Variants in ADAMTS9 observed in about 807,000 individuals in gnomAD.
ADAMTS9 encodes the protein A disintegrin and metalloproteinase with thrombospondin motifs 9.
In ADAMTS9, 107 loss-of-function variants were observed where a neutral mutation model predicts 257.1. The ratio of observed to expected loss-of-function variants is 0.42; its 90% CI spans 0.36 to 0.49. The LOEUF is 0.49. Ranked by LOEUF, ADAMTS9 falls within the 20% of genes least tolerant of loss-of-function variation. ADAMTS9 has a pLI of 0.03. For missense variants in ADAMTS9, 2,353 were observed against 2,469.1 expected, an observed-to-expected ratio of 0.95 and a Z score of 1.00; for synonymous variants, 982 against 880.9, an observed-to-expected ratio of 1.11 and a Z score of -2.03.
In ADAMTS9 at chr3:64,522,345, A is replaced by G. The variant is rs17070910; in HGVS notation, c.5719-85T>C. 3.5e-3 allele frequency: 4,098 copies of G among 1,183,148 alleles called. 90 individuals are homozygous for G. In the African/African-American group the frequency reaches 0.052, roughly 15 times the overall value. The allele number at this position is 1,183,148 out of a possible 1,614,324, so 73.3% of individuals were successfully genotyped here. A position where few individuals can be genotyped will look rare whatever the true frequency, so the allele number is the denominator to read the frequency against. ...TGGCTTTTTGGGAAAACGTTCTTAT[A>G]CACACAGTAAACAGGCCTTCTGAAC... On this transcript the variant is annotated intron_variant, in intron 38 of 39. Transcript: ENST00000498707.
At chr3:64,612,188 G>C (rs189905146) in intron 22 of ADAMTS9, among the ~76,000 whole-genome samples, 1 of 151,878 alleles carries the variant, frequency 6.6e-6, no homozygotes, top group East Asian at 1.9e-4. Flanking sequence ...CCCCTGAACT[G>C]CATGTTCAGT....
chr3:64,641,790 T>C (rs1700648315), intron 12 of ADAMTS9, 58 bp downstream of exon 12: 1 of 1,597,502 alleles, frequency 6.3e-7, no homozygotes, highest in African/African-American at 1.3e-5. Flanking sequence ...ATTATTCCCT[T>C]TAGGAATTTC....
intron 38 of ADAMTS9, among the ~76,000 whole-genome samples, chr3:64,527,902 G>A (rs929548729): frequency 3.3e-5 from 5 of 152,198 alleles, no homozygotes; most frequent in African/African-American, 4.8e-5. Flanking sequence ...GAGCATGTGT[G>A]TGTGTACACA....
At chr3:64,595,091 AAAAATAGAC>A (rs2084340075) in intron 27 of ADAMTS9, among the ~76,000 whole-genome samples, 1 of 152,132 alleles carries the variant, frequency 6.6e-6, no homozygotes, top group African/African-American at 2.4e-5. Flanking sequence ...AAAACAAAAC[AAAAATAGAC>A]AAACAAAAAC....
chr3:64,545,182 TTGTGGAAGACAG>T (rs2083180927), intron 32 of ADAMTS9, among the ~76,000 whole-genome samples: 1 of 152,198 alleles, frequency 6.6e-6, no homozygotes, highest in Non-Finnish European at 1.5e-5. Context: ...AGTTCAACCA[TTGTGGAAGACAG>T]TGTGGCTATT....
At chr3:64,608,881 T>C (rs776469163) in intron 22 of ADAMTS9, among the ~76,000 whole-genome samples, 2 of 151,770 alleles carry the variant, frequency 1.3e-5, no homozygotes, top group Non-Finnish European at 2.9e-5. Context: ...CTCAACAAAG[T>C]ACTAACAAAT....
At chr3:64,525,192 T>C (rs2082896055) in intron 38 of ADAMTS9, among the ~76,000 whole-genome samples, 1 of 152,166 alleles carries the variant, frequency 6.6e-6, no homozygotes, top group African/African-American at 2.4e-5. Context: ...TATACATTTG[T>C]TAAATGAATG....
chr3:64,580,309 G>C (rs2106739019), intron 28 of ADAMTS9, among the ~76,000 whole-genome samples: 1 of 152,084 alleles, frequency 6.6e-6, no homozygotes, highest in African/African-American at 2.4e-5. Context: ...CTTTCATTTA[G>C]AAAAAGCCTT....
chr3:64,532,219 G>T (rs993387443), intron 38 of ADAMTS9, among the ~76,000 whole-genome samples: 3 of 152,192 alleles, frequency 2.0e-5, no homozygotes, highest in African/African-American at 7.2e-5. Context: ...ATTAAGTCAA[G>T]AATGCATTTA....
chr3:64,619,959 C>T (rs1262297931), intron 19 of ADAMTS9, among the ~76,000 whole-genome samples: 1 of 151,806 alleles, frequency 6.6e-6, no homozygotes, highest in Non-Finnish European at 1.5e-5. Flanking sequence ...TTTATATGGA[C>T]ACTATCTACA....
rs1428779671 is a variant in ADAMTS9, at chr3:64,633,549, G to T, written c.2098C>A (p.Gln700Lys). 1.2e-6 allele frequency: 2 copies of T among 1,613,974 alleles called. No homozygotes were observed. Among genetic ancestry groups the T allele is most frequent in the Non-Finnish European group, 1.7e-6 (2 of 1,180,026 alleles). Residue 700 changes from glutamine (Q) to lysine (K), a missense_variant, in exon 14 of 40, where the codon CAG (glutamine) becomes AAG (lysine). Gln to Lys is a moderately conservative substitution (Grantham distance 53). This residue lies in a region of ADAMTS9 where 360 missense variants were observed against 458.1 expected (regional missense o/e 0.79). Coordinates refer to ENST00000498707, the MANE Select transcript of ADAMTS9 (RefSeq NM_182920.2). ...CRVAGNTAYY[Q>K]LRDRVIDGTP... ...CCATCTATCACTCTGTCTCGAAGCTGATAGTAGGCTGTGTTCCCTGCCACT... is the reference window on the plus strand; with the variant it reads ...CCATCTATCACTCTGTCTCGAAGCTTATAGTAGGCTGTGTTCCCTGCCACT...
chr3:64,520,495 C>T (rs74938898), intron 39 of ADAMTS9, among the ~76,000 whole-genome samples: 1 of 152,060 alleles, frequency 6.6e-6, no homozygotes, highest in African/African-American at 2.4e-5. Flanking sequence ...CAATCCTAAG[C>T]AAAAAGAACG....
intron 3 of ADAMTS9, among the ~76,000 whole-genome samples, chr3:64,665,558 A>T (rs1014998497): frequency 2.0e-5 from 3 of 152,240 alleles, no homozygotes; most frequent in African/African-American, 7.2e-5. Context: ...TCACAAAGTC[A>T]TAAAGTGAGT....
intron 2 of ADAMTS9, among the ~76,000 whole-genome samples, chr3:64,682,607 A>G (rs1032512740): frequency 6.6e-6 from 1 of 152,234 alleles, no homozygotes; most frequent in Non-Finnish European, 1.5e-5. Flanking sequence ...CGTGCTGGAA[A>G]AAAAATCTGA....
At chr3:64,527,948 T>C (rs1430382697) in intron 38 of ADAMTS9, among the ~76,000 whole-genome samples, 1 of 152,202 alleles carries the variant, frequency 6.6e-6, no homozygotes, top group Non-Finnish European at 1.5e-5. Flanking sequence ...CTCCACTGTT[T>C]GCAAGTGAAT....
intron 8 of ADAMTS9, among the ~76,000 whole-genome samples, chr3:64,651,710 G>A (rs1049298504): frequency 6.6e-6 from 1 of 152,248 alleles, no homozygotes; most frequent in African/African-American, 2.4e-5. Flanking sequence ...CAAAGTTTGT[G>A]CACAATAAAA....
chr3:64,605,436 C>G (rs1202135841), intron 23 of ADAMTS9, among the ~76,000 whole-genome samples: 2 of 152,282 alleles, frequency 1.3e-5, no homozygotes, highest in Admixed American at 1.3e-4. Context: ...ATGATGACAA[C>G]ATGAACAGCA....
In ADAMTS9 at chr3:64,533,155, T is replaced by G. The variant is rs2083004536; in HGVS notation, c.5718+11A>C. ...AAAAATTCATCTCCCAACCCATCTGTAGAACCTTACCGGCGACTTCTTGAT... is the reference window on the plus strand; with the variant it reads ...AAAAATTCATCTCCCAACCCATCTGGAGAACCTTACCGGCGACTTCTTGAT... On this transcript the variant is annotated intron_variant, in intron 38 of 39. Transcript: ENST00000498707. 2 of 1,604,606 alleles carry G rather than the reference T, an allele frequency of 1.2e-6. No individual in the cohort carries two copies.
At chr3:64,672,512 G>A (rs535486904) in intron 3 of ADAMTS9, among the ~76,000 whole-genome samples, 7 of 152,264 alleles carry the variant, frequency 4.6e-5, no homozygotes, top group Middle Eastern at 3.4e-3. Flanking sequence ...GCAAAACCCT[G>A]TCTCTACTAA....
Sources: gnomAD v4.1 joint callset for allele counts (sites outside exome capture counted in the v4.1 genomes callset) on GRCh38, gnomAD v4.1.1 for gene constraint, gnomAD v4.1.1 regional missense constraint, MANE v1.5 for transcripts, NCBI Gene and HGNC (gene_info 2026-07-23, HGNC 2026-07-21) for gene names.